Variants in SLC10A7 observed in about 807,000 individuals in gnomAD.
The protein encoded by SLC10A7 is sodium/bile acid cotransporter 7.
In SLC10A7, 29 loss-of-function variants were observed where a neutral mutation model predicts 43.2. The observed-to-expected ratio is 0.67, with a 90% confidence interval of 0.50 to 0.92. SLC10A7 has a LOEUF of 0.92. Ranked by LOEUF, SLC10A7 falls within the 40% of genes least tolerant of loss-of-function variation. The probability of loss-of-function intolerance (pLI) is 0.00; values close to 1 mark genes in which losing one functional copy is unlikely to be tolerated. For synonymous variants in SLC10A7, 152 were observed against 144.8 expected (o/e 1.05, Z -0.35); for missense variants, 295 against 403.2 (o/e 0.73, Z 2.30).
chr4:146,325,563 G>T (rs1733043678), intron 6 of SLC10A7, among the ~76,000 whole-genome samples: 1 of 152,136 alleles, frequency 6.6e-6, no homozygotes, highest in Non-Finnish European at 1.5e-5. Flanking sequence ...ATCAGTATCA[G>T]CCTTGGAACC....
chr4:146,267,622 T>G (rs538532884), intron 10 of SLC10A7, among the ~76,000 whole-genome samples: 1 of 152,308 alleles, frequency 6.6e-6, no homozygotes, highest in South Asian at 2.1e-4. Flanking sequence ...CATTTTTAAC[T>G]AAAAACTGCC....
intron 9 of SLC10A7, among the ~76,000 whole-genome samples, chr4:146,285,405 C>A (rs1729828732): frequency 6.6e-6 from 1 of 152,172 alleles, no homozygotes. Flanking sequence ...AACAGTACCT[C>A]CCAACAGCTC....
intron 5 of SLC10A7, among the ~76,000 whole-genome samples, chr4:146,402,763 C>A (rs1739311144): frequency 6.6e-6 from 1 of 152,064 alleles, no homozygotes; most frequent in Non-Finnish European, 1.5e-5. Context: ...TTTGGGGGGC[C>A]TCTATTACTG....
intron 7 of SLC10A7, among the ~76,000 whole-genome samples, chr4:146,305,280 A>T (rs918614096): frequency 6.6e-6 from 1 of 151,716 alleles, no homozygotes; most frequent in Admixed American, 6.6e-5. Flanking sequence ...TTGTAGGGAC[A>T]TGGATGAAAC....
chr4:146,269,112 G>A (rs1728743303), intron 10 of SLC10A7, among the ~76,000 whole-genome samples: 1 of 152,194 alleles, frequency 6.6e-6, no homozygotes, highest in Non-Finnish European at 1.5e-5. Flanking sequence ...AAAGTTTTAT[G>A]TAAATAAAGA....
At chr4:146,319,636 A>C (rs1732561228) in intron 6 of SLC10A7, among the ~76,000 whole-genome samples, 1 of 152,220 alleles carries the variant, frequency 6.6e-6, no homozygotes, top group Non-Finnish European at 1.5e-5. Flanking sequence ...GAAATAACTC[A>C]GTATATATTA....
intron 7 of SLC10A7, among the ~76,000 whole-genome samples, chr4:146,305,301 C>T (rs1365498223): frequency 6.6e-6 from 1 of 151,358 alleles, no homozygotes; most frequent in Non-Finnish European, 1.5e-5. Flanking sequence ...TGGAAATCAT[C>T]ATTCTCAGTA....
At chr4:146,494,358 GCATGTTA>G (rs1735710182) in intron 4 of SLC10A7, among the ~76,000 whole-genome samples, 1 of 152,208 alleles carries the variant, frequency 6.6e-6, no homozygotes, top group African/African-American at 2.4e-5. Flanking sequence ...TAGTGCCACA[GCATGTTA>G]AGCTGGAGTT....
chr4:146,413,666 A>T (rs933345718), intron 5 of SLC10A7, among the ~76,000 whole-genome samples: 3 of 152,200 alleles, frequency 2.0e-5, no homozygotes, highest in African/African-American at 7.2e-5. Flanking sequence ...AAATGTAAAT[A>T]CTATCGTTTG....
chr4:146,457,796 G>T (rs554856155), intron 4 of SLC10A7, among the ~76,000 whole-genome samples: 3 of 151,850 alleles, frequency 2.0e-5, no homozygotes, highest in Non-Finnish European at 2.9e-5. Context: ...AAGAACAGAT[G>T]ACCTAAATTT....
At chr4:146,285,175 A>T (rs1729810117) in intron 9 of SLC10A7, among the ~76,000 whole-genome samples, 2 of 152,046 alleles carry the variant, frequency 1.3e-5, no homozygotes, top group African/African-American at 2.4e-5. Flanking sequence ...AGTTGATATG[A>T]TGGGATAAGG....
rs76911221 is a variant in SLC10A7, at chr4:146,449,512, A to C, written c.397-6691T>G. Among the ~76,000 whole-genome samples, 168 of 152,260 alleles carry C rather than the reference A, an allele frequency of 1.1e-3. 1 individual carries two copies. In the East Asian group the frequency reaches 0.016, roughly 14 times the overall value. On this transcript the variant is annotated intron_variant, in intron 4 of 11. Coordinates refer to ENST00000335472, the MANE Select transcript of SLC10A7 (RefSeq NM_001029998.6). ...CCTAACCTGTCCAGCAAAAAGAGAT[A>C]GCGTGTAGACCCCTGCTATGACAGA...
chr4:146,497,441 T>C (rs1735997915), intron 4 of SLC10A7, among the ~76,000 whole-genome samples: 1 of 152,186 alleles, frequency 6.6e-6, no homozygotes, highest in African/African-American at 2.4e-5. Flanking sequence ...CTTCAGATAT[T>C]TGAAGGCAGA....
At chr4:146,464,631 G>T (rs897740981) in intron 4 of SLC10A7, among the ~76,000 whole-genome samples, 1 of 151,360 alleles carries the variant, frequency 6.6e-6, no homozygotes, top group African/African-American at 2.4e-5. Context: ...GTGATAATGT[G>T]AGCCTAATCC....
chr4:146,513,554 G>A (rs1177840382), intron 2 of SLC10A7, among the ~76,000 whole-genome samples: 1 of 152,098 alleles, frequency 6.6e-6, no homozygotes, highest in Non-Finnish European at 1.5e-5. Context: ...AGAAAATACT[G>A]CTGACCTAAT....
chr4:146,436,406 T>C (rs1300583293), intron 5 of SLC10A7, among the ~76,000 whole-genome samples: 1 of 152,154 alleles, frequency 6.6e-6, no homozygotes, highest in Non-Finnish European at 1.5e-5. Context: ...TCTGCAAATA[T>C]GTTTGTCACT....
At position 146,263,647 on chromosome 4, in the gene SLC10A7, G is replaced by C. The variant is rs1022616669; in HGVS notation, c.848-4810C>G. Among the ~76,000 whole-genome samples, 6 of 152,236 alleles carry C rather than the reference G, an allele frequency of 3.9e-5. No individual in the cohort carries two copies. In the South Asian group the frequency reaches 6.2e-4, roughly 16 times the overall value. Reference sequence around the variant, plus strand: ...CCAGGTACTGATTCTGTGTCACCATGGTTGACAGGATTCAACTAGACTTTA... The same window carrying C: ...CCAGGTACTGATTCTGTGTCACCATCGTTGACAGGATTCAACTAGACTTTA... On this transcript the variant is annotated intron_variant, in intron 10 of 11. Transcript: ENST00000335472.
chr4:146,301,770 A>C (rs1329506209), intron 7 of SLC10A7, among the ~76,000 whole-genome samples: 2 of 152,098 alleles, frequency 1.3e-5, no homozygotes, highest in Middle Eastern at 3.2e-3. Flanking sequence ...TGGTTTCTAG[A>C]TGTGGAGACA....
At chr4:146,335,798 C>T (rs573391070) in intron 5 of SLC10A7, among the ~76,000 whole-genome samples, 16 of 152,214 alleles carry the variant, frequency 1.1e-4, no homozygotes, top group African/African-American at 3.6e-4. Flanking sequence ...ATCATTTAAA[C>T]AAGATTCTAA....
Sources: allele counts gnomAD v4.1 joint callset (sites outside exome capture counted in the v4.1 genomes callset), GRCh38; gene constraint gnomAD v4.1.1; transcripts MANE v1.5; gene names NCBI Gene and HGNC (gene_info 2026-07-23, HGNC 2026-07-21).